The following DLG2 variants were observed in gnomAD, a reference collection of about 807,000 sequenced individuals.
The protein encoded by DLG2 is discs large MAGUK scaffold protein 2.
A neutral mutation model predicts 132.5 loss-of-function variants in DLG2; 45 were observed. The observed-to-expected ratio is 0.34, with a 90% CI of 0.27 to 0.44. The LOEUF (loss-of-function observed/expected upper bound fraction) is 0.44, where lower values mean the gene tolerates loss of function less well. DLG2 is among the 20% of genes least tolerant of loss of function. DLG2 has a pLI of 1.00. For missense variants in DLG2, 1,045 were observed against 1,196.9 expected, an observed-to-expected ratio of 0.87 and a Z score of 1.87; for synonymous variants, 424 against 419.6, an observed-to-expected ratio of 1.01 and a Z score of -0.13.
chr11:85,111,669 G>GTACA lies in DLG2; in HGVS notation c.348_349insTGTA (p.His117CysfsTer5). On this transcript the variant is annotated frameshift_variant, in exon 6 of 28. Coordinates refer to ENST00000376104, the MANE Select transcript of DLG2 (RefSeq NM_001142699.3). LOFTEE classifies it high-confidence loss of function. ...GGAATAATCAAACTTACAGTACAGT[G>GTACA]GTGGACAGGCATCCAAGCAGGGGCT... 6.4e-7 allele frequency: 1 copy of GTACA among 1,561,662 alleles called. No individual in the cohort carries two copies. The highest frequency in any genetic ancestry group is 1.2e-5 in the South Asian group (1 of 84,516).
intron 3 of DLG2, among the ~76,000 whole-genome samples, chr11:85,350,956 G>C (rs1476238080): frequency 6.6e-6 from 1 of 152,170 alleles, no homozygotes; most frequent in East Asian, 1.9e-4. Flanking sequence ...AAAGTGATTG[G>C]TAGCTTGATG....
chr11:84,659,756 T>C (rs1209012662), intron 6 of DLG2, among the ~76,000 whole-genome samples: 1 of 152,172 alleles, frequency 6.6e-6, no homozygotes, highest in East Asian at 1.9e-4. Context: ...CTTTCTGATA[T>C]CAATTGCAAG....
At chr11:84,026,355 A>C (rs1343853294) in intron 11 of DLG2, among the ~76,000 whole-genome samples, 13 of 151,948 alleles carry the variant, frequency 8.6e-5, no homozygotes, top group Admixed American at 8.5e-4. Flanking sequence ...ACCATACTAG[A>C]CTCCTTTAGG....
At chr11:84,448,264 T>C (rs759089337) in intron 7 of DLG2, among the ~76,000 whole-genome samples, 3 of 152,014 alleles carry the variant, frequency 2.0e-5, no homozygotes, top group African/African-American at 4.8e-5. Context: ...GAAGTGCTAG[T>C]TTTGGAAGCA....
In DLG2 at chr11:84,930,798, T is replaced by C. The variant is rs140503556; in HGVS notation, c.357+180863A>G. Among the ~76,000 whole-genome samples the C allele has an allele frequency of 2.7e-3, 416 of 152,204 alleles. 3 individuals carry two copies. Among genetic ancestry groups the C allele is most frequent in the Non-Finnish European group, 4.3e-3 (291 of 67,996 alleles). On this transcript the variant is annotated intron_variant, in intron 6 of 27. Transcript: ENST00000376104. ...TATTCATGTGCAAGACTTTCCCATC[T>C]AAAAACAAATGCAAAACTATAACTA... is the stretch of plus-strand genomic sequence containing the variant.
intron 9 of DLG2, among the ~76,000 whole-genome samples, chr11:84,136,889 T>G (rs1182353499): frequency 1.3e-5 from 2 of 152,148 alleles, no homozygotes; most frequent in African/African-American, 4.8e-5. Context: ...GAGGTAAAAA[T>G]GTCTCACTGC....
intron 2 of DLG2, among the ~76,000 whole-genome samples, chr11:85,615,898 T>G (rs956268975): frequency 6.6e-6 from 1 of 151,910 alleles, no homozygotes; most frequent in Non-Finnish European, 1.5e-5. Context: ...TTCTCCTCCT[T>G]GAACCCACCC....
chr11:85,153,543 C>T (rs1174237106), intron 5 of DLG2, among the ~76,000 whole-genome samples: 1 of 152,064 alleles, frequency 6.6e-6, no homozygotes, highest in Non-Finnish European at 1.5e-5. Context: ...AAGCTTTATG[C>T]TTTGCATATT....
chr11:84,233,848 G>A (rs916892052), intron 8 of DLG2, among the ~76,000 whole-genome samples: 1 of 152,154 alleles, frequency 6.6e-6, no homozygotes, highest in African/African-American at 2.4e-5. Flanking sequence ...CTTGTCATCT[G>A]TGAGACAGTA....
chr11:83,622,143 G>C lies in DLG2; in HGVS notation c.1940+11068C>G, dbSNP rs148576728. On this transcript the variant is annotated intron_variant, in intron 19 of 27. Coordinates refer to ENST00000376104, the MANE Select transcript of DLG2 (RefSeq NM_001142699.3). ...GGGTTTCACCATGTTGCCCAGGCTG[G>C]TCTTGAACTCTTGACCTCAAGTTAT... Among the ~76,000 whole-genome samples, 511 of 152,212 alleles carry C rather than the reference G, an allele frequency of 3.4e-3. 10 individuals carry two copies. Among genetic ancestry groups the C allele is most frequent in the African/African-American group, 0.012 (490 of 41,524 alleles).
intron 3 of DLG2, among the ~76,000 whole-genome samples, chr11:85,592,986 AAAAG>A (rs2079470842): frequency 6.6e-6 from 1 of 151,842 alleles, no homozygotes; most frequent in South Asian, 2.1e-4. Context: ...AAGAAAAGAA[AAAAG>A]AAGGAAGGAA....
chr11:83,768,202 C>T (rs1250912660), intron 18 of DLG2, among the ~76,000 whole-genome samples: 1 of 152,064 alleles, frequency 6.6e-6, no homozygotes, highest in Non-Finnish European at 1.5e-5. Flanking sequence ...CTGATTATAA[C>T]CTCAGCAACA....
At chr11:84,599,894 T>C (rs1471853537) in intron 6 of DLG2, among the ~76,000 whole-genome samples, 1 of 151,518 alleles carries the variant, frequency 6.6e-6, no homozygotes, top group Non-Finnish European at 1.5e-5. Context: ...TAGCCAGGTA[T>C]AGTGGTGCAC....
intron 9 of DLG2, among the ~76,000 whole-genome samples, chr11:84,118,226 C>CT (rs1188855944): frequency 6.6e-6 from 1 of 152,104 alleles, no homozygotes; most frequent in African/African-American, 2.4e-5. Context: ...ACTCATGCTT[C>CT]TATCAACTAC....
At chr11:85,357,918 A>G (rs926797849) in intron 3 of DLG2, among the ~76,000 whole-genome samples, 2 of 151,626 alleles carry the variant, frequency 1.3e-5, no homozygotes, top group Admixed American at 6.6e-5. Flanking sequence ...AAACAGAAGT[A>G]TTAGGATTCA....
chr11:84,651,641 T>C (rs1461950925), intron 6 of DLG2, among the ~76,000 whole-genome samples: 4 of 152,224 alleles, frequency 2.6e-5, no homozygotes, highest in Non-Finnish European at 4.4e-5. Context: ...AAACAGACTA[T>C]GGCTTTTGAA....
At chr11:84,072,404 A>G (rs1372187783) in intron 10 of DLG2, among the ~76,000 whole-genome samples, 1 of 152,262 alleles carries the variant, frequency 6.6e-6, no homozygotes, top group Non-Finnish European at 1.5e-5. Context: ...TTCACAGTTT[A>G]GCAAGAGAGA....
At chr11:85,424,718 G>A (rs1168951436) in intron 3 of DLG2, among the ~76,000 whole-genome samples, 4 of 152,110 alleles carry the variant, frequency 2.6e-5, no homozygotes, top group African/African-American at 7.2e-5. Flanking sequence ...GAGGTAAGAC[G>A]AAGCAGACCT....
chr11:84,122,049 G>A (rs1174126180), intron 9 of DLG2, among the ~76,000 whole-genome samples: 4 of 151,812 alleles, frequency 2.6e-5, no homozygotes, highest in South Asian at 2.1e-4. Context: ...GGCTGGGTGC[G>A]GTGGCTCATG....
Sources: gnomAD v4.1 joint callset for allele counts (sites outside exome capture counted in the v4.1 genomes callset) on GRCh38, gnomAD v4.1.1 for gene constraint, MANE v1.5 for transcripts, NCBI Gene and HGNC (gene_info 2026-07-23, HGNC 2026-07-21) for gene names.